KIF25: variants seen among roughly 807,000 people sequenced by gnomAD.
KIF25 encodes kinesin family member 25, also known as kinesin-like protein KIF25.
Under a neutral mutation model 32.9 loss-of-function variants are expected in KIF25, and 19 were observed. The observed-to-expected ratio is 0.58, with a 90% CI of 0.40 to 0.85. The LOEUF (loss-of-function observed/expected upper bound fraction) is 0.85. Ranked by LOEUF, KIF25 falls within the 40% of genes least tolerant of loss-of-function variation. The probability of loss-of-function intolerance (pLI) is 0.00; values close to 1 mark genes in which losing one functional copy is unlikely to be tolerated. For missense variants in KIF25, 485 were observed against 507.0 expected, an observed-to-expected ratio of 0.96 and a Z score of 0.42; for synonymous variants, 225 against 213.7, an observed-to-expected ratio of 1.05 and a Z score of -0.46.
chr6:167,999,220 T>A lies in KIF25; in HGVS notation c.-470T>A, dbSNP rs1320320198. On this transcript the variant is annotated 5_prime_UTR_variant, in exon 2 of 13. Coordinates refer to ENST00000643607, the MANE Select transcript of KIF25 (RefSeq NM_030615.4). ...CGCCCGGGTTGACACGCAGACCTCTTGATCATTGCAGGAGCTGAAACGAAA... is the reference window on the plus strand; with the variant it reads ...CGCCCGGGTTGACACGCAGACCTCTAGATCATTGCAGGAGCTGAAACGAAA... 1 of 152,208 alleles carries A rather than the reference T, an allele frequency of 6.6e-6. No homozygotes were observed. The highest frequency in any genetic ancestry group is 1.5e-5 in the Non-Finnish European group (1 of 68,050). The allele number at this position is 152,208 out of a possible 1,614,324, so 9.4% of individuals were successfully genotyped here.
At chr6:168,027,619 G>A (rs1197261853) in intron 5 of KIF25, among the ~76,000 whole-genome samples, 2 of 152,146 alleles carry the variant, frequency 1.3e-5, no homozygotes, top group Non-Finnish European at 2.9e-5. Flanking sequence ...GGTGGGTGCT[G>A]GGGGTGCCAG....
At chr6:168,004,737 G>A (rs966435882) in intron 4 of KIF25, among the ~76,000 whole-genome samples, 5 of 152,044 alleles carry the variant, frequency 3.3e-5, no homozygotes, top group Non-Finnish European at 7.4e-5. Flanking sequence ...CGCTGCTCAG[G>A]GGTTGATAGG....
At position 168,040,133 on chromosome 6, in the gene KIF25, C is replaced by T; in HGVS notation, c.563C>T (p.Pro188Leu). The T allele has an allele frequency of 6.2e-7, 1 of 1,614,072 alleles. No individual in the cohort carries two copies. The highest frequency in any genetic ancestry group is 1.1e-5 in the South Asian group (1 of 91,076). ...HGGLQLRAKH[P>L]TLVHADSSRS... Reference sequence around the variant, plus strand: ...GGTCTGCAGCTCAGGGCGAAGCACCCCACCCTGGTGCACGCGGATTCCTCC... The same window carrying T: ...GGTCTGCAGCTCAGGGCGAAGCACCTCACCCTGGTGCACGCGGATTCCTCC... The change falls in exon 10 of 13, where the codon CCC (proline) becomes CTC (leucine). Residue 188 changes from proline (P) to leucine (L), a missense_variant. By Grantham distance (98) the Pro-to-Leu change is moderately conservative. Transcript: ENST00000643607.
At chr6:168,021,518 A>C (rs1390450987) in intron 5 of KIF25, among the ~76,000 whole-genome samples, 1 of 152,236 alleles carries the variant, frequency 6.6e-6, no homozygotes, top group South Asian at 2.1e-4. Context: ...TAAAATTTAT[A>C]ATTGTAGAAA....
chr6:168,028,199 A>G (rs1450631589), intron 5 of KIF25, among the ~76,000 whole-genome samples: 1 of 152,058 alleles, frequency 6.6e-6, no homozygotes, highest in East Asian at 1.9e-4. Context: ...ATTAAAAATA[A>G]TATTTTAAAA....
chr6:168,033,178 C>T (rs951640323), intron 7 of KIF25, among the ~76,000 whole-genome samples: 1 of 152,096 alleles, frequency 6.6e-6, no homozygotes, highest in African/African-American at 2.4e-5. Flanking sequence ...CTCAAAGTCG[C>T]TTCCAATTAC....
intron 5 of KIF25, among the ~76,000 whole-genome samples, chr6:168,024,684 G>C (rs1229853658): frequency 6.6e-6 from 1 of 152,040 alleles, no homozygotes; most frequent in Admixed American, 6.5e-5. Context: ...GGCCGGGCAC[G>C]GTGGCTCACA....
At chr6:168,042,534 G>C in intron 11 of KIF25, 27 bp from the exon 12 acceptor site, 1 of 1,599,026 alleles carries the variant, frequency 6.3e-7, no homozygotes, top group Non-Finnish European at 8.5e-7. Flanking sequence ...GGTGCAAACG[G>C]TGATGGTGCG....
At chr6:168,019,491 G>A (rs189445231) in intron 5 of KIF25, among the ~76,000 whole-genome samples, 5 of 152,208 alleles carry the variant, frequency 3.3e-5, no homozygotes, top group East Asian at 3.9e-4. Context: ...AGACGCGAAC[G>A]TACTGGTTGG....
At chr6:168,034,210 C>G (rs1798984188) in intron 8 of KIF25, among the ~76,000 whole-genome samples, 179 bp downstream of exon 8, 1 of 152,162 alleles carries the variant, frequency 6.6e-6, no homozygotes, top group Admixed American at 6.5e-5. Context: ...TTATTGCTAC[C>G]AATCCTGTGA....
rs558491042 is a variant in KIF25, at chr6:168,027,686, C to T, written c.-94-1806C>T. Among the ~76,000 whole-genome samples, 8 of 152,230 alleles carry T rather than the reference C, an allele frequency of 5.3e-5. No homozygotes were observed. In the South Asian group the frequency reaches 8.3e-4, roughly 16 times the overall value. On this transcript the variant is annotated intron_variant, in intron 5 of 12. Coordinates refer to ENST00000643607, the MANE Select transcript of KIF25 (RefSeq NM_030615.4). ...ACCGCCCCTCCTCCCCGGACAGCCG[C>T]GTGGGCAAGGCCGGCTTCCCTCCAC...
At chr6:168,044,514 G>A (rs1350689957) in intron 12 of KIF25, among the ~76,000 whole-genome samples, 1 of 140,706 alleles carries the variant, frequency 7.1e-6, no homozygotes, top group African/African-American at 2.6e-5. Flanking sequence ...GGTGAGGGAC[G>A]CTAGTGACTG....
chr6:168,033,717 C>A (rs1258507112), intron 7 of KIF25, among the ~76,000 whole-genome samples, 165 bp from the exon 8 acceptor site: 1 of 151,918 alleles, frequency 6.6e-6, no homozygotes, highest in African/African-American at 2.4e-5. Context: ...ATAGATTATG[C>A]AAAAAATAGT....
chr6:168,027,259 C>T (rs569453901), intron 5 of KIF25, among the ~76,000 whole-genome samples: 151 of 152,016 alleles, frequency 9.9e-4, no homozygotes, highest in Non-Finnish European at 1.7e-3. Context: ...TCGAGACCAC[C>T]CTGGGCAACA....
intron 5 of KIF25, among the ~76,000 whole-genome samples, chr6:168,027,250 C>G (rs760487910): frequency 6.6e-5 from 10 of 151,948 alleles, no homozygotes; most frequent in Admixed American, 3.3e-4. Context: ...CTCAGGAGTT[C>G]GAGACCACCC....
At chr6:168,038,358 C>T (rs1459231114) in intron 8 of KIF25, among the ~76,000 whole-genome samples, 195 bp from the exon 9 acceptor site, 3 of 152,296 alleles carry the variant, frequency 2.0e-5, no homozygotes, top group Admixed American at 6.5e-5. Flanking sequence ...GCTCCCAAGA[C>T]ACGTATTCAC....
intron 8 of KIF25, among the ~76,000 whole-genome samples, chr6:168,034,623 G>T (rs560344839): frequency 6.6e-6 from 1 of 152,298 alleles, no homozygotes; most frequent in Non-Finnish European, 1.5e-5. Flanking sequence ...GGAGGTGGGG[G>T]ATGGTGAGGG....
At chr6:168,007,325 C>T (rs1260715427) in intron 4 of KIF25, among the ~76,000 whole-genome samples, 2 of 152,078 alleles carry the variant, frequency 1.3e-5, no homozygotes, top group South Asian at 2.1e-4. Flanking sequence ...GGTAGGAGAT[C>T]GCTTGAATCC....
At chr6:168,001,744 C>G (rs55720578) in intron 2 of KIF25, among the ~76,000 whole-genome samples, 1 of 65,296 alleles carries the variant, frequency 1.5e-5, no homozygotes, top group African/African-American at 7.5e-5. Context: ...AAGACACCTT[C>G]AGGCGTAGCC....
Sources: allele counts gnomAD v4.1 joint callset (sites outside exome capture counted in the v4.1 genomes callset), GRCh38; gene constraint gnomAD v4.1.1; transcripts MANE v1.5; gene names NCBI Gene and HGNC (gene_info 2026-07-23, HGNC 2026-07-21).